THSD7B: variants seen among roughly 807,000 people sequenced by gnomAD.
The protein encoded by THSD7B is thrombospondin type 1 domain containing 7B.
Under a neutral mutation model 213.6 loss-of-function variants are expected in THSD7B, and 138 were observed. That is an observed-to-expected ratio of 0.65 (90% confidence interval 0.56 to 0.74). THSD7B has a LOEUF of 0.74. Among genes scored for constraint, THSD7B ranks in the 30% least tolerant of loss-of-function variants. The pLI is 0.00. For missense variants in THSD7B, 1,931 were observed against 1,991.5 expected (o/e 0.97, Z 0.58); for synonymous variants, 742 against 687.0 (o/e 1.08, Z -1.25).
chr2:137,264,621 CTTT>C (rs760102052), intron 10 of THSD7B, among the ~76,000 whole-genome samples: 1 of 151,950 alleles, frequency 6.6e-6, no homozygotes. Flanking sequence ...ATTAATGCTC[CTTT>C]TTGAATAAAT....
intron 15 of THSD7B, among the ~76,000 whole-genome samples, chr2:137,559,299 C>A (rs1293300689): frequency 6.6e-6 from 1 of 152,178 alleles, no homozygotes; most frequent in African/African-American, 2.4e-5. Flanking sequence ...CATCACGCTA[C>A]CTGACTTCAA....
rs537783546 is a variant in THSD7B, at chr2:137,559,322, G to A, written c.3139-3899G>A. Among the ~76,000 whole-genome samples, 9 of 152,240 alleles carry A rather than the reference G, an allele frequency of 5.9e-5. No individual in the cohort carries two copies. In the East Asian group the frequency reaches 1.4e-3, roughly 23 times the overall value. On this transcript the variant is annotated intron_variant, in intron 15 of 27. Transcript: ENST00000409968. Reference sequence around the variant, plus strand: ...TACCTGACTTCAAACTATACTGCAAGGCTACAGTAACCAAAACAGCATGGT... The same window carrying A: ...TACCTGACTTCAAACTATACTGCAAAGCTACAGTAACCAAAACAGCATGGT...
intron 12 of THSD7B, among the ~76,000 whole-genome samples, chr2:137,360,980 G>A (rs374932351): frequency 2.0e-5 from 3 of 152,114 alleles, no homozygotes; most frequent in Non-Finnish European, 4.4e-5. Context: ...TCATACAGCT[G>A]GGTGCCCCTC....
chr2:136,786,936 G>T (rs1681865022), intron 1 of THSD7B, among the ~76,000 whole-genome samples: 1 of 152,138 alleles, frequency 6.6e-6, no homozygotes, highest in South Asian at 2.1e-4. Context: ...TTAAAAAAAG[G>T]GGGTACATCA....
chr2:137,102,076 C>A (rs1312879753), intron 4 of THSD7B, among the ~76,000 whole-genome samples: 1 of 152,208 alleles, frequency 6.6e-6, no homozygotes, highest in Non-Finnish European at 1.5e-5. Context: ...GGGTCCCTGA[C>A]CCCCATGCCT....
intron 15 of THSD7B, among the ~76,000 whole-genome samples, chr2:137,530,674 G>A (rs1203938624): frequency 6.6e-6 from 1 of 151,876 alleles, no homozygotes; most frequent in Admixed American, 6.6e-5. Context: ...GGTGTTCTGG[G>A]GATAGCTGTC....
chr2:137,126,645 C>A (rs1410048338), intron 5 of THSD7B, among the ~76,000 whole-genome samples: 1 of 152,190 alleles, frequency 6.6e-6, no homozygotes, highest in African/African-American at 2.4e-5. Flanking sequence ...GTGTTTACTG[C>A]AATAACACTT....
chr2:137,656,169 A>G (rs907248301), intron 22 of THSD7B, among the ~76,000 whole-genome samples: 1 of 152,178 alleles, frequency 6.6e-6, no homozygotes, highest in African/African-American at 2.4e-5. Flanking sequence ...GTTTATCTTA[A>G]TCCTAGTAAC....
In THSD7B at chr2:136,950,033, C is replaced by G. The variant is rs1701904; in HGVS notation, c.139+67716C>G. On this transcript the variant is annotated intron_variant, in intron 2 of 27. Coordinates refer to ENST00000409968, the MANE Select transcript of THSD7B (RefSeq NM_001316349.2). ...CTTTGGGAGGCCGAGGTGAGCGGAT[C>G]ACGAGGTCAGGAGTTTGAGACAAGC... Among the ~76,000 whole-genome samples, 756 of 152,266 alleles carry G rather than the reference C, an allele frequency of 5.0e-3. 8 individuals are homozygous for G. The highest frequency in any genetic ancestry group is 0.017 in the African/African-American group (713 of 41,552).
chr2:137,622,439 T>C (rs1045677863), intron 20 of THSD7B, among the ~76,000 whole-genome samples: 1 of 151,860 alleles, frequency 6.6e-6, no homozygotes, highest in Non-Finnish European at 1.5e-5. Flanking sequence ...TATTCCAAAA[T>C]AGGAAAGCTA....
chr2:137,073,740 C>G (rs1687553189), intron 3 of THSD7B, among the ~76,000 whole-genome samples: 1 of 152,170 alleles, frequency 6.6e-6, no homozygotes. Flanking sequence ...AAATTTCCCT[C>G]TACACACTGC....
intron 3 of THSD7B, among the ~76,000 whole-genome samples, chr2:137,085,942 T>C (rs531699772): frequency 1.3e-5 from 2 of 152,336 alleles, no homozygotes; most frequent in East Asian, 3.9e-4. Context: ...AACAGACTAC[T>C]CTTCAGAATC....
chr2:137,402,310 A>T (rs72847165), intron 12 of THSD7B, among the ~76,000 whole-genome samples: 11,698 of 152,182 alleles, frequency 0.077, 686 homozygotes, highest in Non-Finnish European at 0.12. Flanking sequence ...ACCCTACTCT[A>T]TAGCTATTCT....
At chr2:137,559,802 T>C (rs1239909823) in intron 15 of THSD7B, among the ~76,000 whole-genome samples, 1 of 152,150 alleles carries the variant, frequency 6.6e-6, no homozygotes, top group Non-Finnish European at 1.5e-5. Context: ...AGAAAATTTT[T>C]GCAATCTACT....
At chr2:137,285,489 C>G (rs1683148476) in intron 12 of THSD7B, among the ~76,000 whole-genome samples, 2 of 151,546 alleles carry the variant, frequency 1.3e-5, no homozygotes, top group African/African-American at 4.8e-5. Flanking sequence ...CAGTTTCTTC[C>G]TAGCCTTCAT....
chr2:137,482,203 AG>A (rs1231281737), intron 15 of THSD7B, among the ~76,000 whole-genome samples: 22 of 139,674 alleles, frequency 1.6e-4, no homozygotes, highest in African/African-American at 5.7e-4. Context: ...AAAAAAAAAA[AG>A]GGTTTAGCCA....
At chr2:136,781,756 C>T (rs1681747487) in intron 1 of THSD7B, among the ~76,000 whole-genome samples, 1 of 152,136 alleles carries the variant, frequency 6.6e-6, no homozygotes, top group African/African-American at 2.4e-5. Context: ...CCAGCTACTT[C>T]ACCCTGGCGT....
intron 7 of THSD7B, among the ~76,000 whole-genome samples, chr2:137,192,853 G>T (rs940921292): frequency 2.0e-5 from 3 of 152,148 alleles, no homozygotes; most frequent in African/African-American, 7.2e-5. Context: ...AAAGGATGAG[G>T]AGCCATAGGA....
chr2:137,217,279 G>A (rs1042688099), intron 7 of THSD7B, among the ~76,000 whole-genome samples: 2 of 152,130 alleles, frequency 1.3e-5, no homozygotes, highest in East Asian at 3.9e-4. Flanking sequence ...TGTTGGCATA[G>A]TTTTTACAGA....
Sources: allele counts gnomAD v4.1 joint callset (sites outside exome capture counted in the v4.1 genomes callset), GRCh38; gene constraint gnomAD v4.1.1; transcripts MANE v1.5; gene names NCBI Gene and HGNC (gene_info 2026-07-23, HGNC 2026-07-21).